The following USP15 variants were observed in gnomAD, a reference collection of about 807,000 sequenced individuals.
The protein encoded by USP15 is ubiquitin specific peptidase 15.
A neutral mutation model predicts 127.1 loss-of-function variants in USP15; 18 were observed. That is an observed-to-expected ratio of 0.14 (90% confidence interval 0.10 to 0.21). The LOEUF (loss-of-function observed/expected upper bound fraction) is 0.21, where lower values mean the gene tolerates loss of function less well. Ranked by LOEUF, USP15 falls within the 10% of genes least tolerant of loss-of-function variation. USP15 has a pLI of 1.00. For missense variants in USP15, 805 were observed against 1,159.9 expected (o/e 0.69, Z 4.44); for synonymous variants, 364 against 393.7 (o/e 0.92, Z 0.89).
intron 11 of USP15, among the ~76,000 whole-genome samples, chr12:62,388,594 G>A (rs1185013694): frequency 1.3e-5 from 2 of 152,188 alleles, no homozygotes; most frequent in Non-Finnish European, 2.9e-5. Flanking sequence ...CAGCACATGT[G>A]AACAGCTCTG....
At position 62,279,411 on chromosome 12, in the gene USP15, G is replaced by T. The variant is rs139247750; in HGVS notation, c.90-14768G>T. Among the ~76,000 whole-genome samples the T allele has an allele frequency of 6.2e-3, 940 of 152,148 alleles. 4 individuals are homozygous for T. Among genetic ancestry groups the T allele is most frequent in the East Asian group, 0.026 (136 of 5,170 alleles). On this transcript the variant is annotated intron_variant, in intron 1 of 21. Transcript: ENST00000280377. ...ACATTAAGGTTGTTTCCGCATCTTG[G>T]CTATTGTGAATAATGCTGCAGTAAA...
Position 62,377,263 on chromosome 12 carries a change from C to G in USP15, c.916-4227C>G, listed in dbSNP as rs143755068. 2.6e-5 allele frequency among the ~76,000 whole-genome samples: 4 copies of G among 152,184 alleles called. No homozygotes were observed. The East Asian group carries it at 7.7e-4, about 29-fold the overall frequency. On this transcript the variant is annotated intron_variant, in intron 8 of 21. Coordinates refer to ENST00000280377, the MANE Select transcript of USP15 (RefSeq NM_001252078.2). ...TAAATTATTGTTGACTGAAAATTAT[C>G]TTTGTTCATTAAAACATGGTATTTA...
At chr12:62,368,708 C>T (rs2066562672) in intron 8 of USP15, among the ~76,000 whole-genome samples, 1 of 152,144 alleles carries the variant, frequency 6.6e-6, no homozygotes, top group Non-Finnish European at 1.5e-5. Flanking sequence ...TGTCTTTGCA[C>T]ATGAGATGGG....
rs574145390 is a variant in USP15 at position 62,289,902 on chromosome 12, T to C, written c.90-4277T>C. Among the ~76,000 whole-genome samples the C allele has an allele frequency of 4.6e-5, 7 of 152,288 alleles. No individual in the cohort carries two copies. The South Asian group carries it at 1.5e-3, about 32-fold the overall frequency. On this transcript the variant is annotated intron_variant, in intron 1 of 21. Transcript: ENST00000280377. ...TCAGGAACATGTTGCTGAATTTCCA[T>C]GTATTTGTATAGCTTCAAGAATTCC...
intron 16 of USP15, 40 bp downstream of exon 16, chr12:62,391,469 C>A (rs756000136): frequency 1.9e-6 from 3 of 1,565,122 alleles, no homozygotes; most frequent in Non-Finnish European, 2.6e-6. Flanking sequence ...TTAAACAAGC[C>A]GAGCATGTTA....
chr12:62,278,845 T>C (rs927995302), intron 1 of USP15: 6 of 152,188 alleles, frequency 3.9e-5, no homozygotes, highest in African/African-American at 7.2e-5. Flanking sequence ...AAATCTGTTT[T>C]ATAATAAAGC....
At chr12:62,261,669 A>G (rs1039353298) in intron 1 of USP15, among the ~76,000 whole-genome samples, 1 of 152,176 alleles carries the variant, frequency 6.6e-6, no homozygotes, top group African/African-American at 2.4e-5. Context: ...ATTCGTTTTA[A>G]TATCTTAAGA....
intron 7 of USP15, among the ~76,000 whole-genome samples, chr12:62,353,039 C>G (rs1272197469): frequency 6.6e-6 from 1 of 151,542 alleles, no homozygotes; most frequent in Non-Finnish European, 1.5e-5. Flanking sequence ...TCTTTAGGGC[C>G]CAGATTTTCA....
intron 5 of USP15, 122 bp from the exon 6 acceptor site, chr12:62,325,750 T>G (rs1283404429): frequency 1.3e-6 from 1 of 749,908 alleles, no homozygotes; most frequent in Non-Finnish European, 2.1e-6. Context: ...TCACCTTGTC[T>G]ACTGTTTTCC....
intron 6 of USP15, among the ~76,000 whole-genome samples, chr12:62,326,786 T>C (rs1469739930): frequency 2.6e-5 from 4 of 152,196 alleles, no homozygotes; most frequent in Admixed American, 2.6e-4. Context: ...AATAACAATT[T>C]AGTACATTTT....
chr12:62,342,264 C>T (rs1480095012), intron 6 of USP15, among the ~76,000 whole-genome samples: 2 of 152,086 alleles, frequency 1.3e-5, no homozygotes, highest in East Asian at 1.9e-4. Flanking sequence ...TTCCATCAGG[C>T]CATTTATGTT....
chr12:62,298,865 A>G (rs1032973901), intron 2 of USP15, among the ~76,000 whole-genome samples: 8 of 151,496 alleles, frequency 5.3e-5, no homozygotes, highest in Non-Finnish European at 1.2e-4. Flanking sequence ...AATGAGTGAA[A>G]TAATGGCTGA....
intron 2 of USP15, 80 bp downstream of exon 2, chr12:62,294,386 A>T: frequency 2.0e-6 from 3 of 1,495,196 alleles, no homozygotes. Context: ...AATTTGGAAA[A>T]TGTTAGCGCA....
chr12:62,356,614 T>C (rs2066139442), intron 8 of USP15, among the ~76,000 whole-genome samples: 1 of 152,028 alleles, frequency 6.6e-6, no homozygotes, highest in African/African-American at 2.4e-5. Context: ...CCTATCTGCC[T>C]AAGCAGATAG....
chr12:62,410,151 A>G lies in USP15; in HGVS notation c.*5776A>G, dbSNP rs190031065. On this transcript the variant is annotated 3_prime_UTR_variant, in exon 22 of 22. Coordinates refer to ENST00000280377, the MANE Select transcript of USP15 (RefSeq NM_001252078.2). The stretch of plus-strand genomic sequence containing the variant: ...ATCTTTCCATTATATCAAGTGGGCA[A>G]TATTTAAATTGTCTGATAAGTTCAT... 17 of 152,244 alleles carry G rather than the reference A, an allele frequency of 1.1e-4. No individual in the cohort carries two copies. Among genetic ancestry groups the G allele is most frequent in the African/African-American group, 3.9e-4 (16 of 41,556 alleles). 9.4% of individuals were successfully genotyped at this position (152,244 alleles called of 1,614,324 possible).
intron 6 of USP15, among the ~76,000 whole-genome samples, chr12:62,339,877 T>C (rs1488023903): frequency 3.9e-5 from 6 of 152,232 alleles, no homozygotes; most frequent in Non-Finnish European, 7.3e-5. Context: ...CAGCTTTTGG[T>C]ATCAGGATGA....
At chr12:62,386,400 A>ACGG (rs2067150842) in intron 11 of USP15, among the ~76,000 whole-genome samples, 1 of 152,054 alleles carries the variant, frequency 6.6e-6, no homozygotes, top group South Asian at 2.1e-4. Flanking sequence ...GCAAGGTGCT[A>ACGG]GAAATATAAT....
intron 1 of USP15, among the ~76,000 whole-genome samples, chr12:62,293,892 C>G (rs538837691): frequency 3.3e-5 from 5 of 151,948 alleles, no homozygotes; most frequent in Admixed American, 2.6e-4. Flanking sequence ...CAAATTCTTA[C>G]GGTTATTTCC....
chr12:62,351,317 T>G (rs2065960683), intron 7 of USP15, among the ~76,000 whole-genome samples: 1 of 151,218 alleles, frequency 6.6e-6, no homozygotes, highest in Admixed American at 6.6e-5. Flanking sequence ...AAATAACCCC[T>G]CGTAATTTGG....
Sources: gnomAD v4.1 joint callset for allele counts (sites outside exome capture counted in the v4.1 genomes callset) on GRCh38, gnomAD v4.1.1 for gene constraint, MANE v1.5 for transcripts, NCBI Gene and HGNC (gene_info 2026-07-23, HGNC 2026-07-21) for gene names.